VGLL4: variants seen among roughly 807,000 people sequenced by gnomAD.
The protein encoded by VGLL4 is vestigial like family member 4.
A neutral mutation model predicts 21.0 loss-of-function variants in VGLL4; 7 were observed. That is an observed-to-expected ratio of 0.33 (90% CI 0.19 to 0.63). The LOEUF is 0.63. VGLL4 is among the 20% of genes least tolerant of loss of function. The pLI is 0.78. For missense variants in VGLL4, 394 were observed against 425.7 expected, an observed-to-expected ratio of 0.93 and a Z score of 0.66; for synonymous variants, 222 against 173.2, an observed-to-expected ratio of 1.28 and a Z score of -2.21.
chr3:11,643,202 A>G (rs975006025), intron 1 of VGLL4, among the ~76,000 whole-genome samples: 2 of 152,194 alleles, frequency 1.3e-5, no homozygotes, highest in African/African-American at 4.8e-5. Context: ...GCAAGCAACG[A>G]GCAAACTTTG....
chr3:11,703,157 C>A, intron 1 of VGLL4: 5 of 918,330 alleles, frequency 5.4e-6, no homozygotes, highest in Non-Finnish European at 7.7e-6. Flanking sequence ...AATCATTCTT[C>A]TAAGGATGAA....
At chr3:11,575,295 G>C (rs929284427) in intron 2 of VGLL4, among the ~76,000 whole-genome samples, 1 of 152,216 alleles carries the variant, frequency 6.6e-6, no homozygotes, top group African/African-American at 2.4e-5. Flanking sequence ...TGTCAGTGTG[G>C]ACTCTGTCTC....
rs867836696 is a variant in VGLL4, at chr3:11,600,501, C to A, written c.272+1332G>T. Among the ~76,000 whole-genome samples the A allele has an allele frequency of 2.0e-5, 3 of 152,210 alleles. No homozygotes were observed. In the South Asian group the frequency reaches 6.2e-4, roughly 32 times the overall value. ...CCAGGAGTTAAGCTAGCCCTGCCTG[C>A]GGAGTGCACTGTTTGCAGGGCCTTC... is the stretch of plus-strand genomic sequence containing the variant. On this transcript the variant is annotated intron_variant, in intron 2 of 4. Transcript: ENST00000430365.
intron 1 of VGLL4, among the ~76,000 whole-genome samples, chr3:11,631,072 G>A (rs1559911795): frequency 6.6e-6 from 1 of 152,166 alleles, no homozygotes; most frequent in Non-Finnish European, 1.5e-5. Context: ...ACTACTCCAG[G>A]AGCATGCATG....
intron 2 of VGLL4, among the ~76,000 whole-genome samples, chr3:11,700,444 C>T (rs1211832793): frequency 6.6e-6 from 1 of 152,194 alleles, no homozygotes; most frequent in Non-Finnish European, 1.5e-5. Context: ...CTATTCAAAT[C>T]AGCCACTTCT....
rs773839043 is a variant in VGLL4, at chr3:11,568,946, A to G, written c.273-3927T>C. ...CACTTCCACTGCCAGCTGCCCACGG[A>G]GAGAAAGATGGAAAGAGGAGGGAGG... On this transcript the variant is annotated intron_variant, in intron 2 of 4. Transcript: ENST00000430365. The surrounding 1 kb of genome is among the most constrained non-coding windows in gnomAD (Gnocchi z 5.9). The G allele has an allele frequency of 3.4e-5, 42 of 1,219,786 alleles. No homozygotes were observed. Among genetic ancestry groups the G allele is most frequent in the Non-Finnish European group, 4.3e-5 (42 of 971,510 alleles). 75.6% of individuals were successfully genotyped at this position (1,219,786 alleles called of 1,614,324 possible). A position where few individuals can be genotyped will look rare whatever the true frequency, so the allele number is the denominator to read the frequency against.
intron 1 of VGLL4, among the ~76,000 whole-genome samples, chr3:11,714,480 C>T (rs545278718): frequency 1.2e-4 from 18 of 151,062 alleles, no homozygotes; most frequent in African/African-American, 4.4e-4. Flanking sequence ...CGCTTGAGGC[C>T]AGAGGTTCGA....
intron 2 of VGLL4, among the ~76,000 whole-genome samples, chr3:11,577,957 A>G (rs11720288): frequency 0.89 from 135,104 of 152,190 alleles, 60,033 homozygotes; most frequent in East Asian, 0.95. Context: ...TGTCACCCAC[A>G]GGGCACATGC....
Position 11,558,474 on chromosome 3 carries a change from G to T in VGLL4, c.*82C>A. 7 of 1,238,884 alleles carry T rather than the reference G, an allele frequency of 5.7e-6. No individual in the cohort carries two copies. Among genetic ancestry groups the T allele is most frequent in the South Asian group, 4.4e-5 (3 of 68,752 alleles). The allele number at this position is 1,238,884 out of a possible 1,614,324, so 76.7% of individuals were successfully genotyped here. A position where few individuals can be genotyped will look rare whatever the true frequency, so the allele number is the denominator to read the frequency against. On this transcript the variant is annotated 3_prime_UTR_variant, in exon 5 of 5. Coordinates refer to ENST00000430365, the MANE Select transcript of VGLL4 (RefSeq NM_001128219.3). Reference sequence around the variant, plus strand: ...TCCCTTCCCCCCACCCCACCCCCATGATTTTTTTTTTTTTAAGTACTGACT... The same window carrying T: ...TCCCTTCCCCCCACCCCACCCCCATTATTTTTTTTTTTTTAAGTACTGACT...
At chr3:11,617,805 A>G (rs2075191544) in intron 1 of VGLL4, among the ~76,000 whole-genome samples, 2 of 152,262 alleles carry the variant, frequency 1.3e-5, no homozygotes, top group Non-Finnish European at 2.9e-5. Flanking sequence ...CTAGAACTCC[A>G]TATTTTAAGT....
rs768970246 is a variant in VGLL4 at position 11,574,783 on chromosome 3, A to ATGTGTG, written c.273-9765_273-9764insCACACA. ...GTACAATTACTGTCAATTCAACTAT[A>ATGTGTG]TATGTGTGTGTGTGTGTGTGTGTGT... On this transcript the variant is annotated intron_variant, in intron 2 of 4. Transcript: ENST00000430365. Among the ~76,000 whole-genome samples the ATGTGTG allele has an allele frequency of 8.9e-3, 994 of 111,566 alleles. 4 individuals carry two copies. Among genetic ancestry groups the ATGTGTG allele is most frequent in the South Asian group, 0.02 (58 of 2,972 alleles). 73.2% of individuals were successfully genotyped at this position (111,566 alleles called of 152,430 possible). A position where few individuals can be genotyped will look rare whatever the true frequency, so the allele number is the denominator to read the frequency against.
chr3:11,592,103 G>T (rs1338027766), intron 2 of VGLL4, among the ~76,000 whole-genome samples: 1 of 152,246 alleles, frequency 6.6e-6, no homozygotes, highest in Non-Finnish European at 1.5e-5. Flanking sequence ...GTGGCAGAAA[G>T]AAAGAGCAGA....
At chr3:11,676,402 A>T (rs1450237194) in intron 2 of VGLL4, among the ~76,000 whole-genome samples, 4 of 146,768 alleles carry the variant, frequency 2.7e-5, no homozygotes, top group Admixed American at 1.3e-4. Flanking sequence ...CTCAAAAAAA[A>T]AAAAAAAATA....
chr3:11,680,883 G>A (rs1210162338), intron 2 of VGLL4, among the ~76,000 whole-genome samples: 3 of 152,184 alleles, frequency 2.0e-5, no homozygotes, highest in Non-Finnish European at 4.4e-5. Context: ...ACAGGCACGC[G>A]ATGAGTATCT....
rs2073415053 is a variant in VGLL4 at position 11,565,210 on chromosome 3, A to T, written c.273-191T>A. Among the ~76,000 whole-genome samples the T allele has an allele frequency of 6.6e-6, 1 of 152,036 alleles. No homozygotes were observed. Among genetic ancestry groups the T allele is most frequent in the South Asian group, 2.1e-4 (1 of 4,814 alleles). Reference sequence around the variant, plus strand: ...ACACCAAAGCCTCTGGGTGCCGGAGAAGCTGCTGCCAGCGGAGTCCAAAGT... The same window carrying T: ...ACACCAAAGCCTCTGGGTGCCGGAGTAGCTGCTGCCAGCGGAGTCCAAAGT... On this transcript the variant is annotated intron_variant, in intron 2 of 4. Coordinates refer to ENST00000430365, the MANE Select transcript of VGLL4 (RefSeq NM_001128219.3). The surrounding 1 kb of genome is among the most constrained non-coding windows in gnomAD (Gnocchi z 4.1).
At chr3:11,592,596 G>T (rs868114631) in intron 2 of VGLL4, among the ~76,000 whole-genome samples, 1 of 152,152 alleles carries the variant, frequency 6.6e-6, no homozygotes, top group Non-Finnish European at 1.5e-5. Flanking sequence ...AGGCTGCATC[G>T]TCCCAAACTA....
chr3:11,566,654 G>A (rs1052080637), intron 2 of VGLL4, among the ~76,000 whole-genome samples: 2 of 152,178 alleles, frequency 1.3e-5, no homozygotes, highest in Non-Finnish European at 2.9e-5. Context: ...CTCTGTGGCT[G>A]TGTACACGCG....
chr3:11,643,362 A>C (rs2075732725), intron 1 of VGLL4, 75 bp downstream of exon 1: 1 of 1,609,782 alleles, frequency 6.2e-7, no homozygotes, highest in Non-Finnish European at 8.5e-7. Context: ...GGCGCTTAGA[A>C]GGCAGGCACC....
chr3:11,598,444 T>C (rs1447963034), intron 2 of VGLL4, among the ~76,000 whole-genome samples: 1 of 152,146 alleles, frequency 6.6e-6, no homozygotes, highest in Non-Finnish European at 1.5e-5. Context: ...TCAGGCCTTG[T>C]TAGCTAGCTA....
Sources: gnomAD v4.1 joint callset for allele counts (sites outside exome capture counted in the v4.1 genomes callset) on GRCh38, gnomAD v4.1.1 for gene constraint, Gnocchi (gnomAD v3.1) non-coding constraint, MANE v1.5 for transcripts, NCBI Gene and HGNC (gene_info 2026-07-23, HGNC 2026-07-21) for gene names.